RNF150: variants seen among roughly 807,000 people sequenced by gnomAD.
The protein encoded by RNF150 is ring finger protein 150.
In RNF150, 24 loss-of-function variants were observed where a neutral mutation model predicts 39.3. The observed-to-expected ratio is 0.61, with a 90% CI of 0.44 to 0.86. The LOEUF (loss-of-function observed/expected upper bound fraction) is 0.86. Ranked by LOEUF, RNF150 falls within the 40% of genes least tolerant of loss-of-function variation. RNF150 has a pLI of 0.00. For synonymous variants in RNF150, 255 were observed against 227.3 expected, an observed-to-expected ratio of 1.12 and a Z score of -1.10; for missense variants, 502 against 587.8, an observed-to-expected ratio of 0.85 and a Z score of 1.51.
intron 1 of RNF150, among the ~76,000 whole-genome samples, chr4:141,145,987 C>T (rs557384070): frequency 6.6e-6 from 1 of 152,314 alleles, no homozygotes; most frequent in African/African-American, 2.4e-5. Context: ...CACTGCCTTC[C>T]ACCTACTGTT....
At chr4:141,201,317 CA>C in intron 1 of RNF150, among the ~76,000 whole-genome samples, 1 of 152,220 alleles carries the variant, frequency 6.6e-6, no homozygotes, top group Non-Finnish European at 1.5e-5. Context: ...ATTTTATACC[CA>C]AATACAAAAT....
At chr4:141,108,299 T>C (rs1739276744) in intron 1 of RNF150, among the ~76,000 whole-genome samples, 1 of 152,232 alleles carries the variant, frequency 6.6e-6, no homozygotes, top group Admixed American at 6.5e-5. Flanking sequence ...AGCACTGTTT[T>C]CTTAAAATTT....
chr4:141,016,579 T>A (rs1446390736), intron 1 of RNF150, among the ~76,000 whole-genome samples: 2 of 152,246 alleles, frequency 1.3e-5, no homozygotes, highest in Non-Finnish European at 2.9e-5. Context: ...TGTTTTCCTC[T>A]ACAACTGGCT....
intron 4 of RNF150, among the ~76,000 whole-genome samples, chr4:140,927,872 C>T (rs1731460240): frequency 6.6e-6 from 1 of 151,842 alleles, no homozygotes; most frequent in African/African-American, 2.4e-5. Flanking sequence ...TGGTCCTGAA[C>T]TCCTGACCTC....
At chr4:140,933,439 C>T (rs527520271) in intron 4 of RNF150, among the ~76,000 whole-genome samples, 72 of 152,296 alleles carry the variant, frequency 4.7e-4, no homozygotes, top group African/African-American at 1.7e-3. Flanking sequence ...AAAGGAAATG[C>T]TCACTGCAGC....
At chr4:141,024,096 G>A (rs1395666) in intron 1 of RNF150, among the ~76,000 whole-genome samples, 145,655 of 152,224 alleles carry the variant, frequency 0.96, 70,017 homozygotes, top group East Asian at 1. Flanking sequence ...CTGAGCTGCC[G>A]ATGGGTTGGT....
chr4:141,154,763 G>T (rs2111146810), intron 1 of RNF150, among the ~76,000 whole-genome samples: 1 of 152,250 alleles, frequency 6.6e-6, no homozygotes, highest in East Asian at 1.9e-4. Context: ...AAGGTTTGAA[G>T]GATGAAAGAA....
chr4:141,200,431 A>C (rs1425705256), intron 1 of RNF150, among the ~76,000 whole-genome samples: 1 of 151,570 alleles, frequency 6.6e-6, no homozygotes, highest in African/African-American at 2.4e-5. Flanking sequence ...CCACCTCCTA[A>C]TACTATCACA....
intron 1 of RNF150, among the ~76,000 whole-genome samples, chr4:141,010,597 CGTT>C (rs376092560): frequency 6.6e-6 from 1 of 152,302 alleles, no homozygotes; most frequent in Non-Finnish European, 1.5e-5. Flanking sequence ...CCAGGCTCCT[CGTT>C]GTTCTGCCAG....
At chr4:140,923,020 G>A (rs1287655277) in intron 5 of RNF150, among the ~76,000 whole-genome samples, 2 of 150,720 alleles carry the variant, frequency 1.3e-5, no homozygotes, top group South Asian at 2.1e-4. Context: ...AAAAACCCCA[G>A]AAGAAAACCT....
chr4:141,169,678 T>G (rs1464626103), intron 1 of RNF150, among the ~76,000 whole-genome samples: 2 of 152,202 alleles, frequency 1.3e-5, no homozygotes, highest in Non-Finnish European at 2.9e-5. Context: ...TCAAGTTATT[T>G]TATTAAATTT....
At chr4:140,993,008 C>T (rs1448432889) in intron 1 of RNF150, among the ~76,000 whole-genome samples, 1 of 151,982 alleles carries the variant, frequency 6.6e-6, no homozygotes, top group Non-Finnish European at 1.5e-5. Context: ...GACGGGAAAA[C>T]AATGCTCTCG....
intron 4 of RNF150, among the ~76,000 whole-genome samples, chr4:140,928,299 G>T (rs1007998597): frequency 1.3e-5 from 2 of 152,136 alleles, no homozygotes; most frequent in African/African-American, 2.4e-5. Flanking sequence ...CCTAGTTGGG[G>T]TGTTCAGGGA....
At chr4:140,988,960 A>G (rs1036088291) in intron 1 of RNF150, among the ~76,000 whole-genome samples, 1 of 152,102 alleles carries the variant, frequency 6.6e-6, no homozygotes, top group African/African-American at 2.4e-5. Context: ...CAATGAGAAC[A>G]CTTGGACACA....
chr4:141,093,933 A>G (rs1738684958), intron 1 of RNF150, among the ~76,000 whole-genome samples: 1 of 152,248 alleles, frequency 6.6e-6, no homozygotes, highest in South Asian at 2.1e-4. Flanking sequence ...AAGAGGCTAT[A>G]AAAGTTGACT....
At chr4:140,962,108 G>GCACA (rs146087812) in intron 2 of RNF150, among the ~76,000 whole-genome samples, 1 of 146,804 alleles carries the variant, frequency 6.8e-6, no homozygotes, top group African/African-American at 2.5e-5. Flanking sequence ...ACACACGCGC[G>GCACA]CACACACACA....
At chr4:140,926,648 C>G (rs1413966371) in intron 4 of RNF150, among the ~76,000 whole-genome samples, 1 of 152,224 alleles carries the variant, frequency 6.6e-6, no homozygotes, top group Non-Finnish European at 1.5e-5. Flanking sequence ...GCCGTCATAT[C>G]TGCACAGTTG....
intron 1 of RNF150, among the ~76,000 whole-genome samples, chr4:141,075,172 G>A (rs1227010936): frequency 6.6e-6 from 1 of 152,224 alleles, no homozygotes. Context: ...GTTTTTTTAA[G>A]AATCAGAAGA....
At chr4:140,891,649 C>T (rs1481920129) in intron 6 of RNF150, among the ~76,000 whole-genome samples, 2 of 152,140 alleles carry the variant, frequency 1.3e-5, no homozygotes, top group Non-Finnish European at 2.9e-5. Context: ...TCTGAGGATG[C>T]CCAAGTTCCT....
Sources: gnomAD v4.1 joint callset for allele counts (sites outside exome capture counted in the v4.1 genomes callset) on GRCh38, gnomAD v4.1.1 for gene constraint, MANE v1.5 for transcripts, NCBI Gene and HGNC (gene_info 2026-07-23, HGNC 2026-07-21) for gene names.